Variants in LRRC58 observed in about 807,000 individuals in gnomAD.
LRRC58 encodes leucine-rich repeat-containing protein 58.
In LRRC58, 18 loss-of-function variants were observed where a neutral mutation model predicts 30.6. That is an observed-to-expected ratio of 0.59 (90% CI 0.41 to 0.87). The LOEUF (loss-of-function observed/expected upper bound fraction) is 0.87, where lower values mean the gene tolerates loss of function less well. Among genes scored for constraint, LRRC58 ranks in the 40% least tolerant of loss-of-function variants. LRRC58 has a pLI of 0.00. For missense variants in LRRC58, 420 were observed against 468.4 expected (o/e 0.90, Z 0.95); for synonymous variants, 221 against 206.0 (o/e 1.07, Z -0.62).
Position 120,348,761 on chromosome 3 carries a change from C to G in LRRC58, c.483G>C (p.Glu161Asp). ...GGNQLQSIPA[E>D]IENLQSLECL... Reference sequence around the variant, plus strand: ...CCGCTCACCTCTGCAAGTTCTCGATCTCAGCCGGGATGCTCTGCAGTTGGT... The same window carrying G: ...CCGCTCACCTCTGCAAGTTCTCGATGTCAGCCGGGATGCTCTGCAGTTGGT... Residue 161 changes from glutamate (E) to aspartate (D), a missense_variant, in exon 1 of 4, where the codon GAG becomes GAC. Glu to Asp is a conservative substitution (Grantham distance 45). Transcript: ENST00000295628. 1 of 1,591,942 alleles carries G rather than the reference C, an allele frequency of 6.3e-7. No homozygotes were observed. The highest frequency in any genetic ancestry group is 8.6e-7 in the Non-Finnish European group (1 of 1,169,066).
rs1230441377 is a variant in LRRC58, at chr3:120,329,407, G to C, written c.*1793C>G. Reference sequence around the variant, plus strand: ...AATCACCTATGTATTACTCTTCTAGGCAGTAGGAACATATTAGATTACCTC... The same window carrying C: ...AATCACCTATGTATTACTCTTCTAGCCAGTAGGAACATATTAGATTACCTC... On this transcript the variant is annotated 3_prime_UTR_variant, in exon 4 of 4. Coordinates refer to ENST00000295628, the MANE Select transcript of LRRC58 (RefSeq NM_001099678.2). 1.3e-5 allele frequency: 2 copies of C among 151,812 alleles called. No individual in the cohort carries two copies. The highest frequency in any genetic ancestry group is 4.8e-5 in the African/African-American group (2 of 41,324). The allele number at this position is 151,812 out of a possible 1,614,324, so 9.4% of individuals were successfully genotyped here.
intron 1 of LRRC58, among the ~76,000 whole-genome samples, chr3:120,346,362 C>T (rs6438579): frequency 0.82 from 124,920 of 152,182 alleles, 51,762 homozygotes; most frequent in African/African-American, 0.95. Flanking sequence ...CTGTGCAGAA[C>T]TCAAGGGTTT....
Position 120,349,021 on chromosome 3 carries a change from C to T in LRRC58, c.223G>A (p.Val75Met). ...SGFPHLQLLD[V>M]SGNALTALGP... Reference sequence around the variant, plus strand: ...AGCGCGGTCAACGCGTTGCCGCTCACGTCCAGCAGCTGGAGGTGCGGGAAG... The same window carrying T: ...AGCGCGGTCAACGCGTTGCCGCTCATGTCCAGCAGCTGGAGGTGCGGGAAG... Residue 75 changes from valine to methionine, a missense_variant, in exon 1 of 4, where the codon GTG becomes ATG. This residue lies in a region of LRRC58 where 266 missense variants were observed against 251.7 expected (regional missense o/e 1.06). Transcript: ENST00000295628. The T allele has an allele frequency of 6.6e-7, 1 of 1,519,170 alleles. No individual in the cohort carries two copies. The allele number at this position is 1,519,170 out of a possible 1,614,324, so 94.1% of individuals were successfully genotyped here. A position where few individuals can be genotyped will look rare whatever the true frequency, so the allele number is the denominator to read the frequency against.
rs900449247 is a variant in LRRC58, at chr3:120,348,925, T to C, written c.319A>G (p.Ser107Gly). The change falls in exon 1 of 4, where the codon AGT (serine) becomes GGT (glycine). Residue 107 changes from serine (S) to glycine (G), a missense_variant. By Grantham distance (56) the Ser-to-Gly change is moderately conservative. Transcript: ENST00000295628. ...TGGGCCAGGCCCTTGGGCAGCGCAC[T>C]GGGCCCGCCGAGCCGGTTGTTCTTG... is the stretch of plus-strand genomic sequence containing the variant. Reference protein sequence around the residue: ...LAKNNRLGGPSALPKGLAQSP... With the variant: ...LAKNNRLGGPGALPKGLAQSP... 7 of 1,546,200 alleles carry C rather than the reference T, an allele frequency of 4.5e-6. No individual in the cohort carries two copies. The highest frequency in any genetic ancestry group is 1.4e-5 in the African/African-American group (1 of 72,772).
rs1272109535 is a variant in LRRC58 at position 120,329,228 on chromosome 3, T to TA, written c.*1971dup. Reference sequence around the variant, plus strand: ...TTATTTTCTATGAAAATATCTTATGTATCTTAGGTAAGTCACTTATTTACA... The same window carrying TA: ...TTATTTTCTATGAAAATATCTTATGTAATCTTAGGTAAGTCACTTATTTACA... On this transcript the variant is annotated 3_prime_UTR_variant, in exon 4 of 4. Coordinates refer to ENST00000295628, the MANE Select transcript of LRRC58 (RefSeq NM_001099678.2). 2 of 152,144 alleles carry TA rather than the reference T, an allele frequency of 1.3e-5. No individual in the cohort carries two copies. Among genetic ancestry groups the TA allele is most frequent in the Admixed American group, 6.5e-5 (1 of 15,278 alleles). 9.4% of individuals were successfully genotyped at this position (152,144 alleles called of 1,614,324 possible).
chr3:120,326,926 A>G lies in LRRC58; in HGVS notation c.*4274T>C, dbSNP rs1935683624. Reference sequence around the variant, plus strand: ...GTTTTTTCTTTTTTACATAGTGAAAAGGTAAACATTAACCAAGGCTACCTG... The same window carrying G: ...GTTTTTTCTTTTTTACATAGTGAAAGGGTAAACATTAACCAAGGCTACCTG... On this transcript the variant is annotated 3_prime_UTR_variant, in exon 4 of 4. Coordinates refer to ENST00000295628, the MANE Select transcript of LRRC58 (RefSeq NM_001099678.2). 6.6e-6 allele frequency: 1 copy of G among 152,222 alleles called. No individual in the cohort carries two copies. The highest frequency in any genetic ancestry group is 1.5e-5 in the Non-Finnish European group (1 of 68,034). The allele number at this position is 152,222 out of a possible 1,614,324, so 9.4% of individuals were successfully genotyped here.
At chr3:120,338,557 G>A (rs1453245033) in intron 1 of LRRC58, among the ~76,000 whole-genome samples, 3 of 152,224 alleles carry the variant, frequency 2.0e-5, no homozygotes, top group African/African-American at 7.2e-5. Flanking sequence ...TTACACTCTA[G>A]AGAGGGTGGA....
At position 120,349,330 on chromosome 3, in the gene LRRC58, C is replaced by A; in HGVS notation, c.-87G>T. The A allele has an allele frequency of 7.8e-7, 1 of 1,282,192 alleles. No individual in the cohort carries two copies. The highest frequency in any genetic ancestry group is 2.1e-5 in the South Asian group (1 of 47,018). 79.4% of individuals were successfully genotyped at this position (1,282,192 alleles called of 1,614,324 possible). A position where few individuals can be genotyped will look rare whatever the true frequency, so the allele number is the denominator to read the frequency against. On this transcript the variant is annotated 5_prime_UTR_variant, in exon 1 of 4. The change creates a new upstream start codon in the 5' untranslated region. Coordinates refer to ENST00000295628, the MANE Select transcript of LRRC58 (RefSeq NM_001099678.2). ...CGGGAGCTCTGCGGCGCCCCGGAAC[C>A]TGAACCGAGGGCTGAGTCGGAAGTG...
intron 1 of LRRC58, among the ~76,000 whole-genome samples, chr3:120,341,236 T>TAGAAC (rs1188605682): frequency 2.0e-5 from 3 of 152,044 alleles, no homozygotes; most frequent in Non-Finnish European, 2.9e-5. Flanking sequence ...TTGAATAGAA[T>TAGAAC]AGAACAGAAC....
Position 120,329,339 on chromosome 3 carries a change from A to T in LRRC58, c.*1861T>A, listed in dbSNP as rs1196876352. The T allele has an allele frequency of 6.6e-6, 1 of 152,080 alleles. No individual in the cohort carries two copies. Among genetic ancestry groups the T allele is most frequent in the East Asian group, 1.9e-4 (1 of 5,192 alleles). 9.4% of individuals were successfully genotyped at this position (152,080 alleles called of 1,614,324 possible). A position where few individuals can be genotyped will look rare whatever the true frequency, so the allele number is the denominator to read the frequency against. On this transcript the variant is annotated 3_prime_UTR_variant, in exon 4 of 4. Transcript: ENST00000295628. ...CAGTCTGCAGCTTGCTGTGGCCCAC[A>T]TGGAGAAGTAAGCAAAGACTTTATA... is the stretch of plus-strand genomic sequence containing the variant.
rs571965614 is a variant in LRRC58, at chr3:120,326,992, C to T, written c.*4208G>A. On this transcript the variant is annotated 3_prime_UTR_variant, in exon 4 of 4. Coordinates refer to ENST00000295628, the MANE Select transcript of LRRC58 (RefSeq NM_001099678.2). Reference sequence around the variant, plus strand: ...CAGGTTAATGATGTATTACTTTCTCCCTTTGGGAAGAGCAAGGTTGGCTGT... The same window carrying T: ...CAGGTTAATGATGTATTACTTTCTCTCTTTGGGAAGAGCAAGGTTGGCTGT... 1.3e-5 allele frequency: 2 copies of T among 152,286 alleles called. No individual in the cohort carries two copies. The highest frequency in any genetic ancestry group is 4.2e-4 in the South Asian group (2 of 4,816). 9.4% of individuals were successfully genotyped at this position (152,286 alleles called of 1,614,324 possible).
intron 1 of LRRC58, among the ~76,000 whole-genome samples, chr3:120,345,969 T>C (rs1480043927): frequency 6.6e-6 from 1 of 152,142 alleles, no homozygotes; most frequent in African/African-American, 2.4e-5. Flanking sequence ...AGTCAAGTTC[T>C]AGGCTGGGTG....
chr3:120,331,164 G>A lies in LRRC58; in HGVS notation c.*36C>T, dbSNP rs764292107. The A allele has an allele frequency of 1.3e-6, 2 of 1,587,526 alleles. No individual in the cohort carries two copies. Among genetic ancestry groups the A allele is most frequent in the Non-Finnish European group, 1.7e-6 (2 of 1,156,522 alleles). On this transcript the variant is annotated 3_prime_UTR_variant, in exon 4 of 4. Coordinates refer to ENST00000295628, the MANE Select transcript of LRRC58 (RefSeq NM_001099678.2). ...TTTTCTTGTCTAACCATTTTGCTCA[G>A]TTTTTTAAGTATTTCACAACACTGT...
At chr3:120,347,376 A>ATTCTTT (rs1935982039) in intron 1 of LRRC58, among the ~76,000 whole-genome samples, 1 of 51,104 alleles carries the variant, frequency 2.0e-5, no homozygotes, top group African/African-American at 8.3e-5. Context: ...CCAGGCCAAT[A>ATTCTTT]TTCTTTTTTT....
At chr3:120,342,193 T>G (rs1317879338) in intron 1 of LRRC58, among the ~76,000 whole-genome samples, 2 of 152,094 alleles carry the variant, frequency 1.3e-5, no homozygotes, top group African/African-American at 2.4e-5. Flanking sequence ...GGGTCCCCAG[T>G]AAGGCCCCAC....
At position 120,331,166 on chromosome 3, in the gene LRRC58, T is replaced by A. The variant is rs1164136147; in HGVS notation, c.*34A>T. ...TTCTTGTCTAACCATTTTGCTCAGT[T>A]TTTTAAGTATTTCACAACACTGTGC... On this transcript the variant is annotated 3_prime_UTR_variant, in exon 4 of 4. Transcript: ENST00000295628. 6.3e-7 allele frequency: 1 copy of A among 1,592,700 alleles called. No homozygotes were observed. Among genetic ancestry groups the A allele is most frequent in the Admixed American group, 1.7e-5 (1 of 59,874 alleles).
At chr3:120,347,501 C>T (rs1252397278) in intron 1 of LRRC58, among the ~76,000 whole-genome samples, 5 of 147,816 alleles carry the variant, frequency 3.4e-5, no homozygotes, top group African/African-American at 1.0e-4. Flanking sequence ...ACGCCATTCT[C>T]CTGCCTCAGC....
chr3:120,335,535 C>G (rs1229018033), intron 2 of LRRC58, among the ~76,000 whole-genome samples: 5 of 152,048 alleles, frequency 3.3e-5, no homozygotes, highest in African/African-American at 4.8e-5. Flanking sequence ...TGTTTCATAT[C>G]AAATATAAAA....
intron 1 of LRRC58, among the ~76,000 whole-genome samples, chr3:120,342,749 T>C (rs1393603595): frequency 6.6e-6 from 1 of 152,240 alleles, no homozygotes; most frequent in East Asian, 1.9e-4. Context: ...AAAAGTGCCA[T>C]GGCCACAGAG....
Sources: allele counts gnomAD v4.1 joint callset (sites outside exome capture counted in the v4.1 genomes callset), GRCh38; gene constraint gnomAD v4.1.1; regional missense constraint gnomAD v4.1.1; transcripts MANE v1.5; gene names NCBI Gene and HGNC (gene_info 2026-07-23, HGNC 2026-07-21).